The following VEZT variants were observed in gnomAD, a reference collection of about 807,000 sequenced individuals.
The protein encoded by VEZT is vezatin, adherens junctions transmembrane protein, also known as vezatin.
In VEZT, 39 loss-of-function variants were observed where a neutral mutation model predicts 79.9. The observed-to-expected ratio is 0.49, with a 90% CI of 0.38 to 0.64. VEZT has a LOEUF of 0.64. VEZT is among the 30% of genes least tolerant of loss of function. The pLI, the probability that VEZT is intolerant of heterozygous loss-of-function variation, is 0.00. For synonymous variants in VEZT, 325 were observed against 327.6 expected (o/e 0.99, Z 0.09); for missense variants, 837 against 893.1 (o/e 0.94, Z 0.80).
In VEZT at chr12:95,296,439, A is replaced by G. The variant is rs2074151743; in HGVS notation, c.1831+181A>G. 6.8e-6 allele frequency: 3 copies of G among 443,240 alleles called. No individual in the cohort carries two copies. The Admixed American group carries it at 1.3e-4, about 19-fold the overall frequency. The allele number at this position is 443,240 out of a possible 1,614,324, so 27.5% of individuals were successfully genotyped here. On this transcript the variant is annotated intron_variant, in intron 11 of 11. Transcript: ENST00000436874. ...TTAATAAAAGAGTAGGAATGTAACC[A>G]CATTGGAAATATGAAGTCATACTTT...
intron 3 of VEZT, chr12:95,262,344 T>C (rs1226240653): frequency 6.6e-6 from 1 of 152,232 alleles, no homozygotes; most frequent in Non-Finnish European, 1.5e-5. Context: ...TATTCCTTGA[T>C]AGATGAATAG....
At chr12:95,238,187 A>G (rs937476953) in intron 1 of VEZT, among the ~76,000 whole-genome samples, 6 of 152,222 alleles carry the variant, frequency 3.9e-5, no homozygotes, top group South Asian at 2.1e-4. Context: ...GGGCTTTGGA[A>G]TCAGACTAAC....
rs1233408566 is a variant in VEZT at position 95,282,305 on chromosome 12, T to C, written c.997-8T>C. On this transcript the variant is annotated splice_polypyrimidine_tract_variant and splice_region_variant and intron_variant, in intron 7 of 11. Transcript: ENST00000436874. ...ATTGATCTAGTTCTTTTTTCTTTTT[T>C]CTTTAAGGTTTTGTTCCAACTCTGG... is the stretch of plus-strand genomic sequence containing the variant. 10 of 1,572,586 alleles carry C rather than the reference T, an allele frequency of 6.4e-6. No individual in the cohort carries two copies. Among genetic ancestry groups the C allele is most frequent in the Non-Finnish European group, 8.6e-6 (10 of 1,165,462 alleles).
intron 4 of VEZT, among the ~76,000 whole-genome samples, chr12:95,265,487 G>T (rs1212593237): frequency 6.7e-6 from 1 of 149,396 alleles, no homozygotes; most frequent in Non-Finnish European, 1.5e-5. Flanking sequence ...TAGGAAAAGG[G>T]ATTTATAATA....
chr12:95,267,018 A>G (rs1043784987), intron 5 of VEZT, among the ~76,000 whole-genome samples: 4 of 152,218 alleles, frequency 2.6e-5, no homozygotes, highest in Non-Finnish European at 4.4e-5. Flanking sequence ...CGTATCTGCT[A>G]TAAATGCATT....
chr12:95,252,414 C>CT (rs1407593515), intron 2 of VEZT: 2 of 163,492 alleles, frequency 1.2e-5, no homozygotes, highest in Non-Finnish European at 2.6e-5. Flanking sequence ...CTCTTTAAAT[C>CT]TTTTTTTTAA....
chr12:95,286,038 G>T (rs572317396), intron 8 of VEZT, among the ~76,000 whole-genome samples: 1 of 138,616 alleles, frequency 7.2e-6, no homozygotes, highest in South Asian at 2.3e-4. Flanking sequence ...TGTTGCCCAG[G>T]CTGGAGTGCA....
intron 9 of VEZT, among the ~76,000 whole-genome samples, chr12:95,289,438 A>G (rs1279868345): frequency 1.3e-5 from 2 of 150,598 alleles, no homozygotes; most frequent in South Asian, 2.1e-4. Context: ...AAAAAAAAAA[A>G]AAAAGAAAGA....
Position 95,300,552 on chromosome 12 carries a change from G to T in VEZT, c.2219G>T (p.Gly740Val). 6.2e-7 allele frequency: 1 copy of T among 1,613,904 alleles called. No homozygotes were observed. Among genetic ancestry groups the T allele is most frequent in the Non-Finnish European group, 8.5e-7 (1 of 1,179,882 alleles). The change falls in exon 12 of 12, where the codon GGC (glycine) becomes GTC (valine). Residue 740 changes from glycine (G) to valine (V), a missense_variant. By Grantham distance (109) the Gly-to-Val change is moderately radical. Transcript: ENST00000436874. ...QLSPDFTFTA[G>V]LAAEVAARSL... ...TCACCAGATTTTACCTTCACTGCTG[G>T]CCTTGCTGCAGAAGTGGCTGCTAGA...
intron 7 of VEZT, among the ~76,000 whole-genome samples, chr12:95,280,075 G>A (rs990284203): frequency 9.9e-5 from 15 of 151,948 alleles, no homozygotes; most frequent in African/African-American, 3.1e-4. Context: ...TAACCACCGT[G>A]GTCTCATTAA....
chr12:95,227,666 T>G (rs1198344622), intron 1 of VEZT, among the ~76,000 whole-genome samples: 1 of 151,700 alleles, frequency 6.6e-6, no homozygotes, highest in African/African-American at 2.4e-5. Context: ...TTGCAGAGAG[T>G]GGGTTTTGAC....
intron 1 of VEZT, among the ~76,000 whole-genome samples, chr12:95,235,867 C>G (rs575309743): frequency 5.5e-4 from 84 of 151,902 alleles, no homozygotes; most frequent in African/African-American, 2.0e-3. Context: ...GACGGGGTGG[C>G]AGGGCAGAGG....
At chr12:95,299,858 T>C (rs1025569830) in intron 11 of VEZT, 3 of 171,508 alleles carry the variant, frequency 1.7e-5, no homozygotes, top group African/African-American at 7.1e-5. Context: ...TCCTAGGTGA[T>C]AACTGATAAT....
chr12:95,225,329 C>CG (rs1172964113), intron 1 of VEZT, among the ~76,000 whole-genome samples: 3 of 151,962 alleles, frequency 2.0e-5, no homozygotes, highest in Non-Finnish European at 4.4e-5. Flanking sequence ...CCGAGGCGGG[C>CG]GGATCACCAG....
At chr12:95,291,739 C>G (rs1399484471) in intron 9 of VEZT, among the ~76,000 whole-genome samples, 1 of 152,174 alleles carries the variant, frequency 6.6e-6, no homozygotes, top group Non-Finnish European at 1.5e-5. Context: ...AAAGCTATTA[C>G]TGCAAGCATG....
At chr12:95,240,053 G>A (rs1360429893) in intron 1 of VEZT, among the ~76,000 whole-genome samples, 3 of 126,842 alleles carry the variant, frequency 2.4e-5, no homozygotes, top group African/African-American at 8.8e-5. Context: ...AGGAAGGAAG[G>A]AAGGAAGGAA....
intron 1 of VEZT, among the ~76,000 whole-genome samples, chr12:95,247,759 A>G (rs933414972): frequency 3.3e-5 from 5 of 152,312 alleles, no homozygotes; most frequent in East Asian, 1.9e-4. Flanking sequence ...AGAAAAAGTG[A>G]TAGCAATTTT....
At chr12:95,241,172 A>G (rs568325803) in intron 1 of VEZT, among the ~76,000 whole-genome samples, 1 of 152,092 alleles carries the variant, frequency 6.6e-6, no homozygotes, top group Non-Finnish European at 1.5e-5. Context: ...AGTTGGGACT[A>G]CAGATGTGCA....
chr12:95,235,198 C>T (rs1207649766), intron 1 of VEZT, among the ~76,000 whole-genome samples: 3 of 151,820 alleles, frequency 2.0e-5, no homozygotes, highest in Non-Finnish European at 2.9e-5. Context: ...GGGTGGTGGC[C>T]GGGCAGAGGG....
Sources: gnomAD v4.1 joint callset for allele counts (sites outside exome capture counted in the v4.1 genomes callset) on GRCh38, gnomAD v4.1.1 for gene constraint, MANE v1.5 for transcripts, NCBI Gene and HGNC (gene_info 2026-07-23, HGNC 2026-07-21) for gene names.